Variants in ACTG1 observed in about 807,000 individuals in gnomAD.
The protein encoded by ACTG1 is actin, cytoplasmic 2.
A neutral mutation model predicts 34.3 loss-of-function variants in ACTG1; 14 were observed. The observed-to-expected ratio is 0.41, with a 90% confidence interval of 0.27 to 0.64. The LOEUF is 0.64. Ranked by LOEUF, ACTG1 falls within the 30% of genes least tolerant of loss-of-function variation. The pLI is 0.33. For synonymous variants in ACTG1, 422 were observed against 213.9 expected, an observed-to-expected ratio of 1.97 and a Z score of -8.49; for missense variants, 233 against 529.5, an observed-to-expected ratio of 0.44 and a Z score of 5.50.
rs182162229 is a variant in ACTG1, at chr17:81,511,336, G to A, written c.654C>T (p.Tyr218=). The change falls in exon 4 of 6, where the codon TAC becomes TAT. Residue 218 remains tyrosine, a synonymous_variant. Coordinates refer to ENST00000573283, the MANE Select transcript of ACTG1 (RefSeq NM_001614.5). ...TCTCCTGCTCGAAGTCCAGGGCGAC[G>A]TAGCACAGCTTCTCCTTGATGTCGC... ...IVRDIKEKLC[Y]VALDFEQEMA... 377 of 1,613,880 alleles carry A rather than the reference G, an allele frequency of 2.3e-4. No homozygotes were observed. The highest frequency in any genetic ancestry group is 2.8e-4 in the Non-Finnish European group (334 of 1,180,036).
chr17:81,512,187 C>G (rs1265538590), intron 2 of ACTG1, 45 bp from the exon 3 acceptor site: 1 of 1,613,328 alleles, frequency 6.2e-7, no homozygotes, highest in Non-Finnish European at 8.5e-7. Context: ...ACCGAACCCA[C>G]CCCGCAACGC....
chr17:81,510,647 C>T lies in ACTG1; in HGVS notation c.*43G>A, dbSNP rs369444120. On this transcript the variant is annotated 3_prime_UTR_variant, in exon 6 of 6. Transcript: ENST00000573283. ...TTTGCCAGGGGCAAATTTCTATTCT[C>T]AATTAACCCATGCAGCAAATGCTAC... 1.2e-6 allele frequency: 2 copies of T among 1,612,372 alleles called. No homozygotes were observed. The highest frequency in any genetic ancestry group is 1.3e-5 in the African/African-American group (1 of 74,884).
rs368809840 is a variant in ACTG1 at position 81,511,507 on chromosome 17, G to A, written c.483C>T (p.His161=). The A allele has an allele frequency of 2.4e-5, 39 of 1,613,892 alleles. No individual in the cohort carries two copies. The highest frequency in any genetic ancestry group is 3.1e-5 in the Non-Finnish European group (36 of 1,180,048). ...CGTAGCCCTCGTAGATGGGCACCGT[G>A]TGGGTGACCCCGTCTCCAGAGTCCA... ...IVMDSGDGVT[H]TVPIYEGYAL... is the part of the protein sequence containing the mutation. The change falls in exon 4 of 6, where the codon CAC becomes CAT. Residue 161 remains histidine, a synonymous_variant. Coordinates refer to ENST00000573283, the MANE Select transcript of ACTG1 (RefSeq NM_001614.5).
rs201036516 is a variant in ACTG1 at position 81,511,303 on chromosome 17, G to A, written c.687C>T (p.Thr229=). ...VALDFEQEMA[T]AASSSSLEKS... ...TCTCCAGAGAAGAGGAGGATGCGGC[G>A]GTGGCCATCTCCTGCTCGAAGTCCA... is the stretch of plus-strand genomic sequence containing the variant. The change falls in exon 4 of 6, where the codon ACC becomes ACT. Residue 229 remains threonine (T), a synonymous_variant. Coordinates refer to ENST00000573283, the MANE Select transcript of ACTG1 (RefSeq NM_001614.5). 3.7e-5 allele frequency: 59 copies of A among 1,613,754 alleles called. No homozygotes were observed. Among genetic ancestry groups the A allele is most frequent in the Admixed American group, 2.2e-4 (13 of 60,024 alleles).
intron 5 of ACTG1, 29 bp downstream of exon 5, chr17:81,510,898 G>C (rs782510849): frequency 1.9e-6 from 3 of 1,613,714 alleles, no homozygotes; most frequent in Admixed American, 3.3e-5. Context: ...TCCCGAGCCA[G>C]GCAGAGGGCC....
Position 81,510,792 on chromosome 17 carries a change from A to G in ACTG1, c.1026T>C (p.Gly342=), listed in dbSNP as rs1139406. The G allele has an allele frequency of 0.019, 30,261 of 1,612,654 alleles. 637 individuals are homozygous for G. The highest frequency in any genetic ancestry group is 0.1 in the African/African-American group (7,484 of 74,562). The change falls in exon 6 of 6, where the codon GGT becomes GGC. Residue 342 remains glycine, a synonymous_variant. Transcript: ENST00000573283. ...PPERKYSVWI[G]GSILASLSTF... ...TGGACAGTGAGGCCAGGATGGAGCC[A>G]CCGATCCACACCGAGTACTTGCGCT...
Position 81,510,967 on chromosome 17 carries a change from T to C in ACTG1, c.944A>G (p.Lys315Arg), listed in dbSNP as rs782507085. Reference protein sequence around the residue: ...MYPGIADRMQKEITALAPSTM... With the variant: ...MYPGIADRMQREITALAPSTM... ...GCTGGGCGCCAGGGCGGTGATCTCC[T>C]TCTGCATCCTGTCGGCAATGCCCGG... Residue 315 changes from lysine (K) to arginine (R), a missense_variant, in exon 5 of 6, where the codon AAG becomes AGG. Transcript: ENST00000573283. 2 of 1,614,096 alleles carry C rather than the reference T, an allele frequency of 1.2e-6. No homozygotes were observed. Among genetic ancestry groups the C allele is most frequent in the East Asian group, 2.2e-5 (1 of 44,890 alleles).
In ACTG1 at chr17:81,511,112, G is replaced by A. The variant is rs782608976; in HGVS notation, c.803-4C>T. 2.2e-5 allele frequency: 36 copies of A among 1,613,868 alleles called. No individual in the cohort carries two copies. The highest frequency in any genetic ancestry group is 1.0e-4 in the Admixed American group (6 of 60,002). On this transcript the variant is annotated splice_polypyrimidine_tract_variant and splice_region_variant and intron_variant, in intron 4 of 5. Transcript: ENST00000573283. ...TGGATGCCGCAAGATTCCATACCTA[G>A]GGGACAGAGCCCTCCCTTAGTGATG...
chr17:81,511,999 G>T lies in ACTG1; in HGVS notation c.267C>A (p.Thr89=), dbSNP rs140398667. The T allele has an allele frequency of 6.2e-7, 1 of 1,613,988 alleles. No homozygotes were observed. The highest frequency in any genetic ancestry group is 8.5e-7 in the Non-Finnish European group (1 of 1,180,058). ...GGGCCACGCGCAGCTCGTTGTAGAA[G>T]GTGTGGTGCCAGATCTTCTCCATGT... ...WDDMEKIWHH[T]FYNELRVAPE... is the part of the protein sequence containing the mutation. The change falls in exon 3 of 6, where the codon ACC becomes ACA. Residue 89 remains threonine (T), a synonymous_variant. Transcript: ENST00000573283.
chr17:81,510,917 C>T lies in ACTG1; in HGVS notation c.984+10G>A, dbSNP rs782244792. The T allele has an allele frequency of 6.2e-6, 10 of 1,613,980 alleles. No homozygotes were observed. Among genetic ancestry groups the T allele is most frequent in the Admixed American group, 3.3e-5 (2 of 60,020 alleles). ...GAGCCAGGCAGAGGGCCACCAACCC[C>T]TCGACTCACCTTGATCTTCATGGTG... is the stretch of plus-strand genomic sequence containing the variant. On this transcript the variant is annotated intron_variant, in intron 5 of 5. Transcript: ENST00000573283.
rs372370199 is a variant in ACTG1 at position 81,511,948 on chromosome 17, G to C, written c.318C>G (p.Thr106=). The C allele has an allele frequency of 1.1e-5, 18 of 1,613,954 alleles. No homozygotes were observed. The African/African-American group carries it at 1.3e-4, about 12-fold the overall frequency. Residue 106 remains threonine, a synonymous_variant, in exon 3 of 6, where the codon ACC becomes ACG. Transcript: ENST00000573283. Reference sequence around the variant, plus strand: ...TGGCCTTGGGGTTCAGGGGGGCCTCGGTCAGCAGCACTGGGTGCTCCTCCG... The same window carrying C: ...TGGCCTTGGGGTTCAGGGGGGCCTCCGTCAGCAGCACTGGGTGCTCCTCCG... ...VAPEEHPVLL[T]EAPLNPKANR... is the part of the protein sequence containing the mutation.
rs1287345773 is a variant in ACTG1 at position 81,510,109 on chromosome 17, ATAAAT to A, written c.*576_*580del. 2.1e-6 allele frequency: 1 copy of A among 466,618 alleles called. No individual in the cohort carries two copies. The highest frequency in any genetic ancestry group is 2.4e-5 in the Admixed American group (1 of 42,432). The allele number at this position is 466,618 out of a possible 1,614,324, so 28.9% of individuals were successfully genotyped here. A position where few individuals can be genotyped will look rare whatever the true frequency, so the allele number is the denominator to read the frequency against. On this transcript the variant is annotated 3_prime_UTR_variant, in exon 6 of 6. Coordinates refer to ENST00000573283, the MANE Select transcript of ACTG1 (RefSeq NM_001614.5). ...GAATTGCGTACAAAAAAAACCTTAC[ATAAAT>A]TAAGAATGAATACATTTACAGGCGT...
chr17:81,510,438 A>G lies in ACTG1; in HGVS notation c.*252T>C, dbSNP rs1555666168. On this transcript the variant is annotated 3_prime_UTR_variant, in exon 6 of 6. Coordinates refer to ENST00000573283, the MANE Select transcript of ACTG1 (RefSeq NM_001614.5). ...GAAGTGACCAAGCCACACGTACTAA[A>G]GGTTGAACTCAAAGATATGTACAGG... 2 of 622,648 alleles carry G rather than the reference A, an allele frequency of 3.2e-6. No individual in the cohort carries two copies. The highest frequency in any genetic ancestry group is 2.2e-5 in the Admixed American group (1 of 46,254). The allele number at this position is 622,648 out of a possible 1,614,324, so 38.6% of individuals were successfully genotyped here. A position where few individuals can be genotyped will look rare whatever the true frequency, so the allele number is the denominator to read the frequency against.
intron 2 of ACTG1, 38 bp downstream of exon 2, chr17:81,512,194 A>T (rs1555667174): frequency 6.2e-7 from 1 of 1,613,114 alleles, no homozygotes; most frequent in Non-Finnish European, 8.5e-7. Context: ...CCACCCCGCA[A>T]CGCAGAACCC....
In ACTG1 at chr17:81,511,317, G is replaced by A. The variant is rs782686118; in HGVS notation, c.673C>T (p.Gln225Ter). The change falls in exon 4 of 6, where the codon CAG (glutamine) becomes TAG (stop). Residue 225 changes from glutamine to a stop codon, truncating the protein, a stop_gained. Coordinates refer to ENST00000573283, the MANE Select transcript of ACTG1 (RefSeq NM_001614.5). LOFTEE classifies it high-confidence loss of function. ...GAGGATGCGGCGGTGGCCATCTCCT[G>A]CTCGAAGTCCAGGGCGACGTAGCAC... ...KLCYVALDFE[Q>*]EMATAASSSS... The A allele has an allele frequency of 2.5e-6, 4 of 1,613,680 alleles. No individual in the cohort carries two copies.
Position 81,510,426 on chromosome 17 carries a change from C to T in ACTG1, c.*264G>A. ...TACCTTAGCCACGAAGTGACCAAGC[C>T]ACACGTACTAAAGGTTGAACTCAAA... On this transcript the variant is annotated 3_prime_UTR_variant, in exon 6 of 6. Transcript: ENST00000573283. 1 of 588,806 alleles carries T rather than the reference C, an allele frequency of 1.7e-6. No homozygotes were observed. 36.5% of individuals were successfully genotyped at this position (588,806 alleles called of 1,614,324 possible).
intron 1 of ACTG1, 170 bp downstream of exon 1, chr17:81,512,564 C>A (rs959647808): frequency 1.3e-5 from 10 of 793,762 alleles, no homozygotes; most frequent in East Asian, 5.6e-5. Context: ...GGCCGGGCCC[C>A]GCCCTGGACC....
intron 1 of ACTG1, 150 bp downstream of exon 1, chr17:81,512,584 C>T (rs2143788285): frequency 1.5e-6 from 1 of 677,938 alleles, no homozygotes. Flanking sequence ...CCCCGGCGCC[C>T]CCCCAGCCCC....
chr17:81,511,913 TTCTC>T lies in ACTG1; in HGVS notation c.349_352del (p.Glu117ArgfsTer2), dbSNP rs2143782665. 1.2e-6 allele frequency: 2 copies of T among 1,614,138 alleles called. No homozygotes were observed. The highest frequency in any genetic ancestry group is 1.7e-6 in the Non-Finnish European group (2 of 1,180,030). ...TCGGCCGAGCCTCACCTGAGTCATC[TTCTC>T]TCTGTTGGCCTTGGGGTTCAGGGGG... On this transcript the variant is annotated frameshift_variant, in exon 3 of 6. Coordinates refer to ENST00000573283, the MANE Select transcript of ACTG1 (RefSeq NM_001614.5). LOFTEE classifies it high-confidence loss of function.
Sources: gnomAD v4.1 joint callset for allele counts on GRCh38, gnomAD v4.1.1 for gene constraint, MANE v1.5 for transcripts, NCBI Gene and HGNC (gene_info 2026-07-23, HGNC 2026-07-21) for gene names.